The following MRPL48 variants were observed in gnomAD, a reference collection of about 807,000 sequenced individuals.
MRPL48 encodes large ribosomal subunit protein mL48.
A neutral mutation model predicts 32.9 loss-of-function variants in MRPL48; 16 were observed. The ratio of observed to expected loss-of-function variants is 0.49; its 90% CI spans 0.33 to 0.74. The LOEUF (loss-of-function observed/expected upper bound fraction) is 0.74, where lower values mean the gene tolerates loss of function less well. MRPL48 is among the 30% of genes least tolerant of loss of function. The pLI, the probability that MRPL48 is intolerant of heterozygous loss-of-function variation, is 0.02. For synonymous variants in MRPL48, 94 were observed against 89.2 expected (o/e 1.05, Z -0.31); for missense variants, 206 against 245.3 (o/e 0.84, Z 1.07).
At chr11:73,857,403 A>T (rs1428300174) in intron 5 of MRPL48, among the ~76,000 whole-genome samples, 1 of 151,036 alleles carries the variant, frequency 6.6e-6, no homozygotes, top group East Asian at 1.9e-4. Flanking sequence ...AAGTGCTGGG[A>T]TTACAGGCGT....
chr11:73,824,413 C>T (rs1050697577), intron 3 of MRPL48, among the ~76,000 whole-genome samples: 3 of 151,816 alleles, frequency 2.0e-5, no homozygotes, highest in Admixed American at 6.6e-5. Context: ...GGTGAAACCC[C>T]GACTCTACTG....
rs1457609625 is a variant in MRPL48 at position 73,864,946 on chromosome 11, C to G, written c.*576C>G. 6.5e-6 allele frequency: 1 copy of G among 153,024 alleles called. No individual in the cohort carries two copies. The highest frequency in any genetic ancestry group is 2.4e-5 in the African/African-American group (1 of 41,436). 9.5% of individuals were successfully genotyped at this position (153,024 alleles called of 1,614,324 possible). A position where few individuals can be genotyped will look rare whatever the true frequency, so the allele number is the denominator to read the frequency against. On this transcript the variant is annotated 3_prime_UTR_variant, in exon 8 of 8. Transcript: ENST00000310614. The stretch of plus-strand genomic sequence containing the variant: ...AGCTGGGACTGCAGGCGCCCGCCAC[C>G]ACACCTGGCTAATTTTTTGTATTTT...
At chr11:73,794,793 G>A (rs1330276063) in intron 1 of MRPL48, among the ~76,000 whole-genome samples, 1 of 148,304 alleles carries the variant, frequency 6.7e-6, no homozygotes, top group Non-Finnish European at 1.5e-5. Context: ...TGCCCAGGCT[G>A]GAGTGCAGTG....
At chr11:73,818,365 A>C (rs1947713251) in intron 3 of MRPL48, among the ~76,000 whole-genome samples, 1 of 152,258 alleles carries the variant, frequency 6.6e-6, no homozygotes, top group African/African-American at 2.4e-5. Context: ...GGGAACTTAG[A>C]GTGCTCTCAT....
chr11:73,858,622 C>T (rs748580402), intron 5 of MRPL48, among the ~76,000 whole-genome samples: 7 of 152,202 alleles, frequency 4.6e-5, no homozygotes, highest in Non-Finnish European at 7.3e-5. Flanking sequence ...GAGGGCCATG[C>T]CCCTTGCTAT....
intron 3 of MRPL48, among the ~76,000 whole-genome samples, chr11:73,811,048 G>A (rs1187971971): frequency 6.6e-6 from 1 of 152,150 alleles, no homozygotes; most frequent in Non-Finnish European, 1.5e-5. Flanking sequence ...AAAAATCTGG[G>A]TAGAGGGAGA....
chr11:73,810,705 C>G (rs367672677), intron 3 of MRPL48, among the ~76,000 whole-genome samples: 69 of 152,058 alleles, frequency 4.5e-4, no homozygotes, highest in African/African-American at 1.6e-3. Flanking sequence ...TATCTCTCCA[C>G]TAGCCCCCCA....
chr11:73,824,073 T>C (rs1947839644), intron 3 of MRPL48, among the ~76,000 whole-genome samples: 1 of 151,488 alleles, frequency 6.6e-6, no homozygotes, highest in African/African-American at 2.4e-5. Context: ...TCAGGCTGGT[T>C]TTGAACTCCT....
At chr11:73,817,134 T>C (rs1947692891) in intron 3 of MRPL48, among the ~76,000 whole-genome samples, 1 of 152,158 alleles carries the variant, frequency 6.6e-6, no homozygotes. Context: ...GCCCAGCCTG[T>C]TTATTTTGTT....
At chr11:73,801,591 G>A (rs1947365023) in intron 1 of MRPL48, among the ~76,000 whole-genome samples, 1 of 152,080 alleles carries the variant, frequency 6.6e-6, no homozygotes, top group African/African-American at 2.4e-5. Flanking sequence ...CTTTTCTTAA[G>A]TTTTATCTTT....
chr11:73,861,646 G>A (rs979971716), intron 6 of MRPL48, among the ~76,000 whole-genome samples: 9 of 152,142 alleles, frequency 5.9e-5, no homozygotes, highest in African/African-American at 2.2e-4. Context: ...TGGGATTACA[G>A]GCATGAACCA....
At chr11:73,812,672 GATGCC>G (rs1163437772) in intron 3 of MRPL48, among the ~76,000 whole-genome samples, 1 of 150,162 alleles carries the variant, frequency 6.7e-6, no homozygotes, top group Admixed American at 6.6e-5. Context: ...CCTGTGAATA[GATGCC>G]ATACTCTAGC....
intron 2 of MRPL48, among the ~76,000 whole-genome samples, chr11:73,807,925 C>T (rs1020252006): frequency 2.6e-5 from 4 of 152,180 alleles, no homozygotes; most frequent in Admixed American, 1.3e-4. Flanking sequence ...AGGCGTGAGC[C>T]GCTGCGCCCG....
chr11:73,807,094 T>A lies in MRPL48; in HGVS notation c.75-1219T>A, dbSNP rs528711390. 3.9e-5 allele frequency among the ~76,000 whole-genome samples: 6 copies of A among 152,230 alleles called. No individual in the cohort carries two copies. In the East Asian group the frequency reaches 1.2e-3, roughly 29 times the overall value. On this transcript the variant is annotated intron_variant, in intron 2 of 7. Transcript: ENST00000310614. ...CATGTTGACCTGGCTAGTTTCGAAC[T>A]CCTGACCTCAAGTGATCCATGCTCC...
chr11:73,861,368 G>A (rs538233906), intron 6 of MRPL48, among the ~76,000 whole-genome samples: 4 of 150,794 alleles, frequency 2.7e-5, no homozygotes, highest in Admixed American at 6.6e-5. Flanking sequence ...GTTTTTTTTT[G>A]TTTGTTTGTT....
chr11:73,863,882 G>A (rs1948625732), intron 7 of MRPL48, among the ~76,000 whole-genome samples: 1 of 152,066 alleles, frequency 6.6e-6, no homozygotes, highest in Non-Finnish European at 1.5e-5. Flanking sequence ...GCTTCTTCTG[G>A]TTGGTATTTG....
At chr11:73,805,131 T>G in intron 2 of MRPL48, 52 bp downstream of exon 2, 1 of 1,454,870 alleles carries the variant, frequency 6.9e-7, no homozygotes, top group Non-Finnish European at 9.4e-7. Context: ...GCCTTTGGCT[T>G]CATAGTTCAC....
intron 6 of MRPL48, 34 bp from the exon 7 acceptor site, chr11:73,863,138 C>T (rs1948612496): frequency 6.5e-7 from 1 of 1,547,020 alleles, no homozygotes; most frequent in Non-Finnish European, 8.8e-7. Flanking sequence ...TTCAGCTCCT[C>T]CCACCTCTTA....
intron 4 of MRPL48, among the ~76,000 whole-genome samples, chr11:73,827,168 T>G (rs1169084847): frequency 6.6e-6 from 1 of 151,926 alleles, no homozygotes; most frequent in Non-Finnish European, 1.5e-5. Context: ...GCAGATCTCT[T>G]GAGGTTGAGT....
Sources: allele counts gnomAD v4.1 joint callset (sites outside exome capture counted in the v4.1 genomes callset), GRCh38; gene constraint gnomAD v4.1.1; transcripts MANE v1.5; gene names NCBI Gene and HGNC (gene_info 2026-07-23, HGNC 2026-07-21).